SYN1: variants seen among roughly 807,000 people sequenced by gnomAD.
The protein encoded by SYN1 is synapsin-1.
A neutral mutation model predicts 44.6 loss-of-function variants in SYN1; 8 were observed. That is an observed-to-expected ratio of 0.18 (90% CI 0.11 to 0.32). The LOEUF is 0.32. Ranked by LOEUF, SYN1 falls within the 10% of genes least tolerant of loss-of-function variation. SYN1 has a pLI of 1.00. For synonymous variants in SYN1, 275 were observed against 280.1 expected (o/e 0.98, Z 0.18); for missense variants, 451 against 639.4 (o/e 0.71, Z 3.18).
intron 5 of SYN1, among the ~76,000 whole-genome samples, chrX:47,588,996 G>A (rs1013095998): frequency 1.8e-5 from 2 of 111,099 alleles, no homozygotes; most frequent in South Asian, 3.8e-4. Context: ...GGATATTTTT[G>A]GGGGGGTCAA....
intron 5 of SYN1, among the ~76,000 whole-genome samples, chrX:47,602,554 T>G (rs1416990391): frequency 9.1e-6 from 1 of 110,447 alleles, no homozygotes; most frequent in Non-Finnish European, 1.9e-5. Flanking sequence ...AGTCAGGAGA[T>G]TCGCTTGAAC....
chrX:47,574,588 C>T lies in SYN1; in HGVS notation c.1396G>A (p.Gly466Ser). 1 of 1,099,228 alleles carries T rather than the reference C, an allele frequency of 9.1e-7. No individual in the cohort carries two copies. The highest frequency in any genetic ancestry group is 1.2e-6 in the Non-Finnish European group (1 of 833,235). 90.6% of individuals were successfully genotyped at this position (1,099,228 alleles called of 1,213,427 possible). ...GGGCCTGGACCCGGCTGTGGAGGGC[C>T]GCCTGGGGGACAGAGGGAGAGAAAG... The part of the protein sequence containing the change: ...PAQQRPPPQG[G>S]PPQPGPGPQR... Residue 466 changes from glycine to serine, a missense_variant and splice_region_variant, in exon 12 of 13, where the codon GGC becomes AGC. Gly to Ser is a moderately conservative substitution (Grantham distance 56). Coordinates refer to ENST00000295987, the MANE Select transcript of SYN1 (RefSeq NM_006950.3).
In SYN1 at chrX:47,573,017, G is replaced by A. The variant is rs766486472; in HGVS notation, c.1983-18C>T. ...GGGATTTGCTAGAGAGAGACAAGGT[G>A]GAGGCGTGGGAGGAAGGGGGAAGAG... On this transcript the variant is annotated intron_variant, in intron 12 of 12. Transcript: ENST00000295987. The A allele has an allele frequency of 3.3e-6, 4 of 1,208,234 alleles. No homozygotes were observed. Among genetic ancestry groups the A allele is most frequent in the African/African-American group, 1.8e-5 (1 of 56,836 alleles).
At chrX:47,577,560 G>T (rs2057781832) in intron 5 of SYN1, 59 bp from the exon 6 acceptor site, 2 of 1,073,146 alleles carry the variant, frequency 1.9e-6, no homozygotes, top group Non-Finnish European at 1.3e-6. Context: ...CTCCAGGGGT[G>T]GGGCGGCACT....
intron 12 of SYN1, among the ~76,000 whole-genome samples, chrX:47,573,561 A>G (rs1387935042): frequency 1.8e-5 from 2 of 109,560 alleles, no homozygotes; most frequent in East Asian, 5.8e-4. Flanking sequence ...GGAGGAGGAA[A>G]AGTATGAGGA....
At chrX:47,609,587 A>T (rs1454672931) in intron 1 of SYN1, among the ~76,000 whole-genome samples, 2 of 112,397 alleles carry the variant, frequency 1.8e-5, no homozygotes, top group Admixed American at 9.4e-5. Flanking sequence ...AACCTAAAAC[A>T]GTGGGCCATG....
intron 5 of SYN1, chrX:47,590,103 T>A (rs2057842855): frequency 9.0e-6 from 1 of 111,144 alleles, no homozygotes; most frequent in African/African-American, 3.3e-5. Flanking sequence ...AGATCCCAGC[T>A]CTTTACGCCA....
intron 5 of SYN1, among the ~76,000 whole-genome samples, chrX:47,582,080 T>G (rs1308862726): frequency 8.9e-6 from 1 of 112,588 alleles, no homozygotes; most frequent in Non-Finnish European, 1.9e-5. Flanking sequence ...TAATTTGGGT[T>G]TGAGTCATAG....
At chrX:47,578,984 C>T (rs1220780363) in intron 5 of SYN1, among the ~76,000 whole-genome samples, 2 of 111,923 alleles carry the variant, frequency 1.8e-5, no homozygotes, top group African/African-American at 3.3e-5. Context: ...GCCAGGGAAA[C>T]GATGCCGAGG....
chrX:47,605,533 G>C (rs929870642), intron 3 of SYN1, among the ~76,000 whole-genome samples, 154 bp from the exon 4 acceptor site: 6 of 111,445 alleles, frequency 5.4e-5, no homozygotes, highest in African/African-American at 2.0e-4. Context: ...CCTCTGCCTA[G>C]TGCACCCTTT....
At chrX:47,579,459 AG>A (rs1425206076) in intron 5 of SYN1, among the ~76,000 whole-genome samples, 15 of 111,152 alleles carry the variant, frequency 1.3e-4, no homozygotes, top group African/African-American at 4.9e-4. Context: ...ATGAGGCCCA[AG>A]CACCTGGTAT....
rs750090252 is a variant in SYN1, at chrX:47,572,582, G to A, written c.*282C>T. ...AACGCCCTCTGGGGAAACCAGGGGC[G>A]GAGGTCTTCAGGAATGTGGAGGTTC... On this transcript the variant is annotated 3_prime_UTR_variant, in exon 13 of 13. Transcript: ENST00000295987. 22 of 298,979 alleles carry A rather than the reference G, an allele frequency of 7.4e-5. No individual in the cohort carries two copies. The Admixed American group carries it at 8.2e-4, about 11-fold the overall frequency. 24.6% of individuals were successfully genotyped at this position (298,979 alleles called of 1,213,427 possible). A position where few individuals can be genotyped will look rare whatever the true frequency, so the allele number is the denominator to read the frequency against.
chrX:47,603,999 C>T (rs367783714), intron 5 of SYN1, among the ~76,000 whole-genome samples: 1 of 106,265 alleles, frequency 9.4e-6, no homozygotes. Context: ...CCTCCGCCTC[C>T]CGGGTTCCAG....
chrX:47,616,540 C>T (rs773982185), intron 1 of SYN1, among the ~76,000 whole-genome samples: 2 of 111,468 alleles, frequency 1.8e-5, no homozygotes, highest in East Asian at 2.8e-4. Context: ...TACCTATATC[C>T]AGCAGAGGCC....
chrX:47,610,739 T>C (rs139019389), intron 1 of SYN1, among the ~76,000 whole-genome samples: 1,192 of 110,647 alleles, frequency 0.011, 21 homozygotes, highest in African/African-American at 0.036. Flanking sequence ...ACTAACACAC[T>C]GGTATTTGGA....
chrX:47,587,553 C>T (rs991117696), intron 5 of SYN1: 1 of 113,240 alleles, frequency 8.8e-6, no homozygotes, highest in Non-Finnish European at 1.9e-5. Context: ...CAATGAAATG[C>T]AGGTAGGGTT....
intron 5 of SYN1, among the ~76,000 whole-genome samples, chrX:47,580,932 C>A (rs765986328): frequency 3.1e-4 from 30 of 95,589 alleles, no homozygotes; most frequent in Admixed American, 4.5e-4. Flanking sequence ...AGACTCTTGT[C>A]AAAAAAAAAA....
chrX:47,577,290 G>T (rs766097045), intron 6 of SYN1, 149 bp downstream of exon 6: 1 of 600,953 alleles, frequency 1.7e-6, no homozygotes, highest in Non-Finnish European at 2.7e-6. Flanking sequence ...AGTAATTGTG[G>T]TTTTTACCAT....
chrX:47,600,904 T>C (rs1284883363), intron 5 of SYN1, among the ~76,000 whole-genome samples: 12 of 111,883 alleles, frequency 1.1e-4, no homozygotes, highest in Non-Finnish European at 2.1e-4. Context: ...GGAGAATTCA[T>C]AGTTGTAACT....
Sources: gnomAD v4.1 joint callset for allele counts (sites outside exome capture counted in the v4.1 genomes callset) on GRCh38, gnomAD v4.1.1 for gene constraint, MANE v1.5 for transcripts, NCBI Gene and HGNC (gene_info 2026-07-23, HGNC 2026-07-21) for gene names.